The following RYR1 variants were observed in gnomAD, a reference collection of about 807,000 sequenced individuals.
The protein encoded by RYR1 is ryanodine receptor 1.
Under a neutral mutation model 583.5 loss-of-function variants are expected in RYR1, and 342 were observed. The observed-to-expected ratio is 0.59, with a 90% CI of 0.54 to 0.64. The LOEUF (loss-of-function observed/expected upper bound fraction) is 0.64. Ranked by LOEUF, RYR1 falls within the 30% of genes least tolerant of loss-of-function variation. The probability of loss-of-function intolerance (pLI) is 0.00; values close to 1 mark genes in which losing one functional copy is unlikely to be tolerated. For synonymous variants in RYR1, 2,791 were observed against 2,822.5 expected (o/e 0.99, Z 0.35); for missense variants, 6,032 against 6,917.2 (o/e 0.87, Z 4.54).
rs2145542273 is a variant in RYR1 at position 38,485,681 on chromosome 19, G to A, written c.5026G>A (p.Gly1676Ser). The A allele has an allele frequency of 4.3e-6, 7 of 1,610,964 alleles. No individual in the cohort carries two copies. Among genetic ancestry groups the A allele is most frequent in the East Asian group, 2.2e-5 (1 of 44,878 alleles). Reference sequence around the variant, plus strand: ...CCTCTACCGCGCTGTGTGCGCCCTGGGCAACAATCGCGTGGCGCACGCTCT... The same window carrying A: ...CCTCTACCGCGCTGTGTGCGCCCTGAGCAACAATCGCGTGGCGCACGCTCT... ...LRLYRAVCAL[G>S]NNRVAHALCS... The change falls in exon 34 of 106, where the codon GGC becomes AGC. Residue 1676 changes from glycine to serine, a missense_variant. Coordinates refer to ENST00000359596, the MANE Select transcript of RYR1 (RefSeq NM_000540.3).
chr19:38,452,964 C>T lies in RYR1; in HGVS notation c.1390C>T (p.Gln464Ter). Reference sequence around the variant, plus strand: ...CGAGGACTTGCAGCACGAGGAGAAGCAGAGCAAGCTGCGAAGCCTGCGCAA... The same window carrying T: ...CGAGGACTTGCAGCACGAGGAGAAGTAGAGCAAGCTGCGAAGCCTGCGCAA... ...PSEDLQHEEK[Q>*]SKLRSLRNRQ... Residue 464 changes from glutamine (Q) to a stop codon, truncating the protein, a stop_gained, in exon 13 of 106, where the codon CAG (glutamine) becomes TAG (stop). Coordinates refer to ENST00000359596, the MANE Select transcript of RYR1 (RefSeq NM_000540.3). LOFTEE classifies it high-confidence loss of function. 6.2e-7 allele frequency: 1 copy of T among 1,613,932 alleles called. No individual in the cohort carries two copies. Among genetic ancestry groups the T allele is most frequent in the Non-Finnish European group, 8.5e-7 (1 of 1,179,874 alleles).
At position 38,587,494 on chromosome 19, in the gene RYR1, C is replaced by T; in HGVS notation, c.*74C>T. ...CAGCAAGCCCCTTAGTCCCCAAGCC[C>T]CTCCCCCTAAGGCAGCTGGGGGAGA... On this transcript the variant is annotated 3_prime_UTR_variant, in exon 106 of 106. Coordinates refer to ENST00000359596, the MANE Select transcript of RYR1 (RefSeq NM_000540.3). 1.9e-6 allele frequency: 2 copies of T among 1,080,962 alleles called. No homozygotes were observed. Among genetic ancestry groups the T allele is most frequent in the East Asian group, 2.4e-5 (1 of 42,358 alleles). 67.0% of individuals were successfully genotyped at this position (1,080,962 alleles called of 1,614,324 possible). A position where few individuals can be genotyped will look rare whatever the true frequency, so the allele number is the denominator to read the frequency against.
At chr19:38,437,281 C>T (rs1972470792) in intron 1 of RYR1, among the ~76,000 whole-genome samples, 1 of 151,978 alleles carries the variant, frequency 6.6e-6, no homozygotes, top group Non-Finnish European at 1.5e-5. Context: ...GAACTCCTGA[C>T]CTCAAGTGAT....
intron 20 of RYR1, among the ~76,000 whole-genome samples, chr19:38,463,195 A>C (rs1967880249): frequency 8.4e-6 from 1 of 119,640 alleles, no homozygotes; most frequent in East Asian, 2.7e-4. Flanking sequence ...GATGTGAGCC[A>C]CTACGGCTGG....
At chr19:38,497,897 C>T (rs796491057) in intron 42 of RYR1, among the ~76,000 whole-genome samples, 3 of 152,124 alleles carry the variant, frequency 2.0e-5, no homozygotes, top group African/African-American at 7.2e-5. Flanking sequence ...TTTGATAGAG[C>T]CTGCGAGGCT....
Position 38,506,940 on chromosome 19 carries a change from A to G in RYR1, c.8804A>G (p.Tyr2935Cys). 6.2e-7 allele frequency: 1 copy of G among 1,612,674 alleles called. No homozygotes were observed. Among genetic ancestry groups the G allele is most frequent in the Non-Finnish European group, 8.5e-7 (1 of 1,180,014 alleles). ...CTGAAATTCCTGCAGATGAATGGCTACGCGGTTACAAGGCACGCGGGTTGG... is the reference window on the plus strand; with the variant it reads ...CTGAAATTCCTGCAGATGAATGGCTGCGCGGTTACAAGGCACGCGGGTTGG... ...ELLKFLQMNG[Y>C]AVTRGLKDME... The change falls in exon 57 of 106, where the codon TAC (tyrosine) becomes TGC (cysteine). Residue 2935 changes from tyrosine (Y) to cysteine (C), a missense_variant. Transcript: ENST00000359596.
chr19:38,437,724 G>A (rs1972487637), intron 1 of RYR1, among the ~76,000 whole-genome samples: 1 of 152,048 alleles, frequency 6.6e-6, no homozygotes, highest in Non-Finnish European at 1.5e-5. Flanking sequence ...GCTGAGGTGG[G>A]AAGATCACTT....
chr19:38,452,543 A>C (rs1967129701), intron 12 of RYR1, among the ~76,000 whole-genome samples: 2 of 151,976 alleles, frequency 1.3e-5, no homozygotes, highest in African/African-American at 2.4e-5. Flanking sequence ...ATCATCACCC[A>C]ACTTTCACAC....
chr19:38,471,495 A>G (rs189740783), intron 27 of RYR1, among the ~76,000 whole-genome samples: 1 of 152,180 alleles, frequency 6.6e-6, no homozygotes, highest in Admixed American at 6.5e-5. Context: ...GCACCACAGC[A>G]CTCCAGCCCA....
chr19:38,481,316 G>A (rs1174363519), intron 31 of RYR1, among the ~76,000 whole-genome samples: 3 of 151,912 alleles, frequency 2.0e-5, no homozygotes, highest in African/African-American at 7.3e-5. Flanking sequence ...TTGTAGAGAC[G>A]GTGTTTTGCC....
At chr19:38,527,188 A>G in intron 72 of RYR1, 136 bp downstream of exon 72, 2 of 937,972 alleles carry the variant, frequency 2.1e-6, no homozygotes, top group South Asian at 1.4e-5. Flanking sequence ...CAGCCTGGCC[A>G]ATGTGGCGAA....
rs71165544 is a variant in RYR1 at position 38,438,616 on chromosome 19, C to CTTTTTTTTTTT, written c.46-2119_46-2109dup. On this transcript the variant is annotated intron_variant, in intron 1 of 105. Coordinates refer to ENST00000359596, the MANE Select transcript of RYR1 (RefSeq NM_000540.3). The stretch of plus-strand genomic sequence containing the variant: ...CATTATGTATATTGCCCAGGCTAGT[C>CTTTTTTTTTTT]TTTTTTTTTTTTTTTTTTTTGAGAT... Among the ~76,000 whole-genome samples the CTTTTTTTTTTT allele has an allele frequency of 2.1e-4, 20 of 93,964 alleles. 1 individual carries two copies. The highest frequency in any genetic ancestry group is 4.3e-4 in the South Asian group (1 of 2,314). 61.6% of individuals were successfully genotyped at this position (93,964 alleles called of 152,430 possible). A position where few individuals can be genotyped will look rare whatever the true frequency, so the allele number is the denominator to read the frequency against.
Position 38,444,316 on chromosome 19 carries a change from C to T in RYR1, c.537+55C>T. On this transcript the variant is annotated intron_variant, in intron 6 of 105. Coordinates refer to ENST00000359596, the MANE Select transcript of RYR1 (RefSeq NM_000540.3). This position sits in a 1 kb window ranked among gnomAD's most constrained non-coding sequence, Gnocchi z 5.1. ...GGTCTGGGGGCGCATGGGATGGTCCCCATCTTCTCACCATGGGTTTGCCTG... is the reference window on the plus strand; with the variant it reads ...GGTCTGGGGGCGCATGGGATGGTCCTCATCTTCTCACCATGGGTTTGCCTG... 7.2e-7 allele frequency: 1 copy of T among 1,379,406 alleles called. No homozygotes were observed. The highest frequency in any genetic ancestry group is 1.0e-6 in the Non-Finnish European group (1 of 976,310). 85.4% of individuals were successfully genotyped at this position (1,379,406 alleles called of 1,614,324 possible). A position where few individuals can be genotyped will look rare whatever the true frequency, so the allele number is the denominator to read the frequency against.
chr19:38,569,897 C>T (rs925611780), intron 93 of RYR1, among the ~76,000 whole-genome samples: 1 of 152,210 alleles, frequency 6.6e-6, no homozygotes, highest in Non-Finnish European at 1.5e-5. Context: ...GCCGAGGTGG[C>T]TCACACCTAT....
At position 38,504,990 on chromosome 19, in the gene RYR1, G is replaced by A. The variant is rs189040589; in HGVS notation, c.8232-13G>A. On this transcript the variant is annotated splice_polypyrimidine_tract_variant and intron_variant, in intron 51 of 105. Transcript: ENST00000359596. ...CCCAGCTCCAACATCTGCTGACCCT[G>A]TGCCCCCAACAGTGTGATCATCCCG... 1 of 1,614,150 alleles carries A rather than the reference G, an allele frequency of 6.2e-7. No individual in the cohort carries two copies. The highest frequency in any genetic ancestry group is 1.7e-5 in the Admixed American group (1 of 60,014).
chr19:38,528,700 G>T lies in RYR1; in HGVS notation c.11034+5G>T. On this transcript the variant is annotated splice_donor_5th_base_variant and intron_variant, in intron 75 of 105. Coordinates refer to ENST00000359596, the MANE Select transcript of RYR1 (RefSeq NM_000540.3). ...CGCATGATAGATGACCTTTCAGTGA[G>T]CTGGGACCCGCCTGGGGGAGTGGGG... The T allele has an allele frequency of 6.2e-7, 1 of 1,614,100 alleles. No individual in the cohort carries two copies. Among genetic ancestry groups the T allele is most frequent in the Non-Finnish European group, 8.5e-7 (1 of 1,179,960 alleles).
rs1972280876 is a variant in RYR1, at chr19:38,543,331, C to T, written c.11690-16C>T. On this transcript the variant is annotated splice_polypyrimidine_tract_variant and intron_variant, in intron 84 of 105. Transcript: ENST00000359596. The surrounding 1 kb of genome is among the most constrained non-coding windows in gnomAD (Gnocchi z 4.4). ...CACATGGGAGGTGCTGGATAAATGA[C>T]TTTTCATCTCCCCAGATTTCCAGAA... The T allele has an allele frequency of 6.2e-7, 1 of 1,611,556 alleles. No homozygotes were observed. The highest frequency in any genetic ancestry group is 8.5e-7 in the Non-Finnish European group (1 of 1,177,654).
intron 23 of RYR1, among the ~76,000 whole-genome samples, chr19:38,465,322 G>A (rs1968035720): frequency 6.6e-6 from 1 of 151,910 alleles, no homozygotes; most frequent in African/African-American, 2.4e-5. Context: ...AAAATTAGCA[G>A]GACATGGTGG....
At chr19:38,441,789 G>T (rs963879341) in intron 2 of RYR1, among the ~76,000 whole-genome samples, 1 of 151,996 alleles carries the variant, frequency 6.6e-6, no homozygotes, top group Non-Finnish European at 1.5e-5. Flanking sequence ...GCAGAGTCTT[G>T]AGTTTAGGAG....
Sources: gnomAD v4.1 joint callset for allele counts (sites outside exome capture counted in the v4.1 genomes callset) on GRCh38, gnomAD v4.1.1 for gene constraint, Gnocchi (gnomAD v3.1) non-coding constraint, MANE v1.5 for transcripts, NCBI Gene and HGNC (gene_info 2026-07-23, HGNC 2026-07-21) for gene names.